The following FNTB variants were observed in gnomAD, a reference collection of about 807,000 sequenced individuals.
FNTB encodes protein farnesyltransferase subunit beta.
Under a neutral mutation model 59.4 loss-of-function variants are expected in FNTB, and 27 were observed. That is an observed-to-expected ratio of 0.45 (90% CI 0.34 to 0.63). The LOEUF is 0.63. Ranked by LOEUF, FNTB falls within the 20% of genes least tolerant of loss-of-function variation. The probability of loss-of-function intolerance (pLI) is 0.02; values close to 1 mark genes in which losing one functional copy is unlikely to be tolerated. For synonymous variants in FNTB, 230 were observed against 220.7 expected (o/e 1.04, Z -0.37); for missense variants, 449 against 559.6 (o/e 0.80, Z 1.99).
chr14:65,055,992 T>C (rs368483972), intron 11 of FNTB, among the ~76,000 whole-genome samples: 2 of 152,204 alleles, frequency 1.3e-5, no homozygotes, highest in Admixed American at 6.5e-5. Flanking sequence ...CCAGTTTTTT[T>C]TCCTCCCTCC....
chr14:65,036,032 T>A (rs936510858), intron 7 of FNTB, among the ~76,000 whole-genome samples: 1 of 152,182 alleles, frequency 6.6e-6, no homozygotes, highest in South Asian at 2.1e-4. Context: ...AGAGTCTCAC[T>A]GTGTTGCCCA....
chr14:65,044,257 C>T lies in FNTB; in HGVS notation c.823-54C>T. ...ATTGACTCCTGGAGATTCTGTCGGG[C>T]TGGATTTTGTCTCTTTTAGCCTACA... is the stretch of plus-strand genomic sequence containing the variant. On this transcript the variant is annotated intron_variant, in intron 8 of 11. Coordinates refer to ENST00000246166, the MANE Select transcript of FNTB (RefSeq NM_002028.4). The surrounding 1 kb of genome is among the most constrained non-coding windows in gnomAD (Gnocchi z 5.5). The T allele has an allele frequency of 2.5e-6, 4 of 1,606,386 alleles. No individual in the cohort carries two copies. The South Asian group carries it at 4.5e-5, about 18-fold the overall frequency.
At chr14:64,996,192 C>T (rs956071860) in intron 1 of FNTB, among the ~76,000 whole-genome samples, 7 of 150,876 alleles carry the variant, frequency 4.6e-5, no homozygotes, top group East Asian at 2.0e-4. Context: ...GGCTCATGCC[C>T]GTGATCCCAG....
Position 65,030,739 on chromosome 14 carries a change from TAA to T in FNTB, c.606-1860_606-1859del, listed in dbSNP as rs879817148. Among the ~76,000 whole-genome samples the T allele has an allele frequency of 6.9e-6, 1 of 144,624 alleles. No individual in the cohort carries two copies. The allele number at this position is 144,624 out of a possible 152,430, so 94.9% of individuals were successfully genotyped here. On this transcript the variant is annotated intron_variant, in intron 6 of 11. Transcript: ENST00000246166. This position sits in a 1 kb window ranked among gnomAD's most constrained non-coding sequence, Gnocchi z 4.5. ...TGGGCAACAAAGTGAGATCCTATCT[TAA>T]AAAAAAAAAAGAAGATGGAAACTAG...
intron 2 of FNTB, among the ~76,000 whole-genome samples, chr14:65,010,830 C>G (rs907572109): frequency 6.6e-6 from 1 of 152,176 alleles, no homozygotes; most frequent in Non-Finnish European, 1.5e-5. Context: ...AGGTCAGATT[C>G]TCCCACCTGT....
rs544975834 is a variant in FNTB, at chr14:65,022,148, A to G, written c.375-5305A>G. The G allele has an allele frequency of 2.2e-3, 970 of 446,862 alleles. 10 individuals carry two copies. Among genetic ancestry groups the G allele is most frequent in the South Asian group, 8.1e-3 (515 of 63,456 alleles). The allele number at this position is 446,862 out of a possible 1,614,324, so 27.7% of individuals were successfully genotyped here. On this transcript the variant is annotated intron_variant, in intron 4 of 11. Coordinates refer to ENST00000246166, the MANE Select transcript of FNTB (RefSeq NM_002028.4). The stretch of plus-strand genomic sequence containing the variant: ...AGGAGATTTCCTCTTCACTATATCA[A>G]GCTGAAGCTGTTTTAGTTAGTACGA...
intron 3 of FNTB, among the ~76,000 whole-genome samples, chr14:65,013,946 A>G (rs1231872655): frequency 6.6e-6 from 1 of 152,220 alleles, no homozygotes; most frequent in African/African-American, 2.4e-5. Flanking sequence ...TCATTTGCTC[A>G]AAGGCACATA....
rs1270996928 is a variant in FNTB at position 65,027,418 on chromosome 14, CT to C, written c.375-34del. 3.1e-6 allele frequency: 5 copies of C among 1,611,360 alleles called. No individual in the cohort carries two copies. The African/African-American group carries it at 6.7e-5, about 22-fold the overall frequency. ...TTTGGTGTTTTGACATGAATGCTCTCTGACTTTGTTTTTGCCCTTTGGCTGT... is the reference window on the plus strand; with the variant it reads ...TTTGGTGTTTTGACATGAATGCTCTCGACTTTGTTTTTGCCCTTTGGCTGT... On this transcript the variant is annotated intron_variant, in intron 4 of 11. Transcript: ENST00000246166. The surrounding 1 kb of genome is among the most constrained non-coding windows in gnomAD (Gnocchi z 5.7).
At chr14:64,996,095 C>A (rs1293221960) in intron 1 of FNTB, among the ~76,000 whole-genome samples, 1 of 148,734 alleles carries the variant, frequency 6.7e-6, no homozygotes, top group Non-Finnish European at 1.5e-5. Flanking sequence ...TGCACTCCAG[C>A]CTGCATGACA....
chr14:65,008,911 C>G (rs1566866963), intron 2 of FNTB, among the ~76,000 whole-genome samples: 1 of 152,132 alleles, frequency 6.6e-6, no homozygotes, highest in African/African-American at 2.4e-5. Flanking sequence ...ATAGATTTAC[C>G]CACTTGCTCT....
chr14:65,040,985 A>G (rs543813670), intron 8 of FNTB, 66 bp downstream of exon 8: 558 of 1,586,830 alleles, frequency 3.5e-4, no homozygotes, highest in Middle Eastern at 2.4e-3. Flanking sequence ...GTACTCAGAC[A>G]TGCAGGCTTC....
intron 9 of FNTB, among the ~76,000 whole-genome samples, chr14:65,049,334 A>G (rs2062557505): frequency 6.6e-6 from 1 of 152,142 alleles, no homozygotes; most frequent in Non-Finnish European, 1.5e-5. Context: ...GGCTGCACCT[A>G]TCAGTTATGG....
intron 7 of FNTB, among the ~76,000 whole-genome samples, chr14:65,035,273 G>T (rs1292828439): frequency 6.6e-6 from 1 of 152,148 alleles, no homozygotes; most frequent in East Asian, 1.9e-4. Context: ...AAAAAGTTGT[G>T]GGGGAAGGGA....
At position 64,991,465 on chromosome 14, in the gene FNTB, G is replaced by A. The variant is rs529284645; in HGVS notation, c.144+4368G>A. Among the ~76,000 whole-genome samples the A allele has an allele frequency of 7.2e-5, 11 of 152,050 alleles. No homozygotes were observed. The highest frequency in any genetic ancestry group is 1.9e-4 in the African/African-American group (8 of 41,388). Reference sequence around the variant, plus strand: ...AAAAAAATACAAAAATTAGCTAGGCGTGGTGGTGTGCACCTGTAATACCAG... The same window carrying A: ...AAAAAAATACAAAAATTAGCTAGGCATGGTGGTGTGCACCTGTAATACCAG... On this transcript the variant is annotated intron_variant, in intron 1 of 11. Transcript: ENST00000246166. This position sits in a 1 kb window ranked among gnomAD's most constrained non-coding sequence, Gnocchi z 4.4.
At position 65,027,624 on chromosome 14, in the gene FNTB, G is replaced by A. The variant is rs1382306024; in HGVS notation, c.521+25G>A. On this transcript the variant is annotated intron_variant, in intron 5 of 11. Transcript: ENST00000246166. This position sits in a 1 kb window ranked among gnomAD's most constrained non-coding sequence, Gnocchi z 5.7. ...GGTACAGTGAAAGCCAGCAGTGACA[G>A]AAACCTAGAGGAGTTCCCCGCCTGC... 6.2e-7 allele frequency: 1 copy of A among 1,614,092 alleles called. No individual in the cohort carries two copies.
At chr14:65,015,744 T>G (rs777780475) in intron 4 of FNTB, 28 bp downstream of exon 4, 219 of 1,605,198 alleles carry the variant, frequency 1.4e-4, no homozygotes, top group Non-Finnish European at 1.3e-4. Flanking sequence ...AAATCTGGGG[T>G]GTTCTCTGAA....
intron 4 of FNTB, among the ~76,000 whole-genome samples, chr14:65,025,016 G>T (rs1272025770): frequency 6.6e-6 from 1 of 152,168 alleles, no homozygotes; most frequent in Non-Finnish European, 1.5e-5. Context: ...ACAGCTGGTA[G>T]TTCATAGTCA....
rs771816255 is a variant in FNTB, at chr14:64,986,921, G to C, written c.-33G>C. On this transcript the variant is annotated 5_prime_UTR_variant, in exon 1 of 12. Coordinates refer to ENST00000246166, the MANE Select transcript of FNTB (RefSeq NM_002028.4). ...ATGCGCGTTGTTGCTTAACGAAGCA[G>C]AGTCCTACACACTGTCTGCTGCTCT... 8.7e-6 allele frequency: 14 copies of C among 1,613,326 alleles called. No individual in the cohort carries two copies. Among genetic ancestry groups the C allele is most frequent in the African/African-American group, 1.3e-5 (1 of 74,932 alleles).
chr14:65,060,253 A>AT (rs1838308824), intron 11 of FNTB, among the ~76,000 whole-genome samples: 1 of 152,090 alleles, frequency 6.6e-6, no homozygotes, highest in Non-Finnish European at 1.5e-5. Context: ...TATGGGTACA[A>AT]TTTTTGCTAT....
Sources: allele counts gnomAD v4.1 joint callset (sites outside exome capture counted in the v4.1 genomes callset), GRCh38; gene constraint gnomAD v4.1.1; non-coding constraint Gnocchi (gnomAD v3.1); transcripts MANE v1.5; gene names NCBI Gene and HGNC (gene_info 2026-07-23, HGNC 2026-07-21).